The following MDGA1 variants were observed in gnomAD, a reference collection of about 807,000 sequenced individuals.
MDGA1 encodes MAM domain-containing glycosylphosphatidylinositol anchor protein 1.
In MDGA1, 54 loss-of-function variants were observed where a neutral mutation model predicts 101.5. That is an observed-to-expected ratio of 0.53 (90% CI 0.43 to 0.67). The LOEUF (loss-of-function observed/expected upper bound fraction) is 0.67, where lower values mean the gene tolerates loss of function less well. Among genes scored for constraint, MDGA1 ranks in the 30% least tolerant of loss-of-function variants. The pLI, the probability that MDGA1 is intolerant of heterozygous loss-of-function variation, is 0.00. For synonymous variants in MDGA1, 533 were observed against 558.3 expected (o/e 0.95, Z 0.64); for missense variants, 1,083 against 1,323.8 (o/e 0.82, Z 2.82).
At chr6:37,661,026 G>T (rs1761611914) in intron 2 of MDGA1, among the ~76,000 whole-genome samples, 1 of 152,146 alleles carries the variant, frequency 6.6e-6, no homozygotes, top group Non-Finnish European at 1.5e-5. Flanking sequence ...CTATCTCATA[G>T]GTGGCTACAT....
At chr6:37,675,211 G>A (rs978152407) in intron 1 of MDGA1, among the ~76,000 whole-genome samples, 22 of 152,312 alleles carry the variant, frequency 1.4e-4, no homozygotes, top group African/African-American at 3.8e-4. Context: ...GTGAGGGGTA[G>A]GGAGGAGTGC....
intron 14 of MDGA1, chr6:37,643,500 G>A (rs1581844864): frequency 7.1e-6 from 2 of 280,846 alleles, no homozygotes; most frequent in East Asian, 8.9e-5. Flanking sequence ...TTGAACTCCT[G>A]ACCTCAGGTG....
At chr6:37,639,935 C>A (rs1031952563) in intron 14 of MDGA1, 2 of 152,142 alleles carry the variant, frequency 1.3e-5, no homozygotes, top group Non-Finnish European at 2.9e-5. Context: ...ATAAGAGTTA[C>A]GGAAAATTCT....
In MDGA1 at chr6:37,650,414, G is replaced by A; in HGVS notation, c.1313-9C>T. 1 of 1,527,512 alleles carries A rather than the reference G, an allele frequency of 6.5e-7. No individual in the cohort carries two copies. The highest frequency in any genetic ancestry group is 2.4e-4 in the Middle Eastern group (1 of 4,196). The allele number at this position is 1,527,512 out of a possible 1,614,324, so 94.6% of individuals were successfully genotyped here. On this transcript the variant is annotated splice_polypyrimidine_tract_variant and intron_variant, in intron 7 of 16. Transcript: ENST00000434837. The stretch of plus-strand genomic sequence containing the variant: ...ACTGATGGTGGGCGGCACTGTGGGG[G>A]TGATGGTGATCAGCGGAGAGGTAGG...
intron 3 of MDGA1, among the ~76,000 whole-genome samples, chr6:37,657,786 C>T (rs10755699): frequency 0.82 from 124,238 of 152,056 alleles, 51,563 homozygotes; most frequent in East Asian, 1. Context: ...CAGCTAGGAC[C>T]TGGGGAGTGG....
rs751613262 is a variant in MDGA1, at chr6:37,655,933, T to C, written c.383-37A>G. On this transcript the variant is annotated intron_variant, in intron 3 of 16. Transcript: ENST00000434837. This position sits in a 1 kb window ranked among gnomAD's most constrained non-coding sequence, Gnocchi z 5.1. ...CAGCCCCCATGGAGTCAGGACTGGG[T>C]GACCCCAAGGTTGGGGGGCTCAGGC... The C allele has an allele frequency of 3.8e-6, 6 of 1,572,024 alleles. No homozygotes were observed. The highest frequency in any genetic ancestry group is 5.2e-6 in the Non-Finnish European group (6 of 1,157,628).
chr6:37,649,830 C>T (rs1761314062), intron 8 of MDGA1: 1 of 652,686 alleles, frequency 1.5e-6, no homozygotes, highest in Non-Finnish European at 2.8e-6. Flanking sequence ...TGTCCTTCCT[C>T]CTCCTTCAAA....
chr6:37,678,894 A>G (rs1762037023), intron 1 of MDGA1, among the ~76,000 whole-genome samples: 2 of 150,658 alleles, frequency 1.3e-5, no homozygotes, highest in African/African-American at 4.9e-5. Flanking sequence ...TCACTTGTTT[A>G]TTCTCTTTCT....
intron 14 of MDGA1, among the ~76,000 whole-genome samples, chr6:37,642,147 G>GTGTA (rs1554132385): frequency 3.0e-5 from 4 of 135,394 alleles, no homozygotes; most frequent in Admixed American, 7.8e-5. Flanking sequence ...TTATATATAT[G>GTGTA]TATATATATA....
rs1764183485 is a variant in MDGA1, at chr6:37,644,664, G to A, written c.2249-15C>T. On this transcript the variant is annotated splice_polypyrimidine_tract_variant and intron_variant, in intron 12 of 16. Transcript: ENST00000434837. The stretch of plus-strand genomic sequence containing the variant: ...GCAGGTGTTGTCTGCATTTTATGGG[G>A]CGAATGAGACAAAGAGTCAGCCTCT... 1 of 1,551,472 alleles carries A rather than the reference G, an allele frequency of 6.4e-7. No individual in the cohort carries two copies. Among genetic ancestry groups the A allele is most frequent in the East Asian group, 2.4e-5 (1 of 41,072 alleles).
chr6:37,672,080 G>T (rs1761881544), intron 1 of MDGA1, among the ~76,000 whole-genome samples: 1 of 151,910 alleles, frequency 6.6e-6, no homozygotes, highest in African/African-American at 2.4e-5. Context: ...GGTGGAGACT[G>T]CAGTGAGCTG....
In MDGA1 at chr6:37,658,242, C is replaced by T; in HGVS notation, c.382+3G>A. The T allele has an allele frequency of 6.3e-7, 1 of 1,583,232 alleles. No individual in the cohort carries two copies. Among genetic ancestry groups the T allele is most frequent in the Non-Finnish European group, 8.6e-7 (1 of 1,163,510 alleles). The stretch of plus-strand genomic sequence containing the variant: ...CCCGGGGAGAGAGGGGGCCTCAACT[C>T]ACACTGCACGTCCACGCGGATGGAC... On this transcript the variant is annotated splice_donor_region_variant and intron_variant, in intron 3 of 16. Transcript: ENST00000434837.
At chr6:37,659,843 T>A (rs1019289457) in intron 2 of MDGA1, among the ~76,000 whole-genome samples, 13 of 152,116 alleles carry the variant, frequency 8.5e-5, no homozygotes, top group African/African-American at 2.9e-4. Context: ...ACATACCAGA[T>A]CAGAGAGTTC....
At chr6:37,654,155 A>G in intron 6 of MDGA1, 119 bp downstream of exon 6, 4 of 1,187,776 alleles carry the variant, frequency 3.4e-6, no homozygotes, top group South Asian at 1.7e-5. Flanking sequence ...CATCCTCTGC[A>G]TGACTCATCT....
rs753804706 is a variant in MDGA1 at position 37,654,895 on chromosome 6, G to A, written c.617C>T (p.Pro206Leu). 1.2e-6 allele frequency: 2 copies of A among 1,613,582 alleles called. No individual in the cohort carries two copies. The highest frequency in any genetic ancestry group is 3.3e-5 in the Admixed American group (2 of 59,982). ...GCAGGTGTAGCTGGCATAGTCCTGG[G>A]GCCGCAGGTTCTTCAGCTTCAGGAC... ...TKVLKLKNLR[P>L]QDYASYTCQV... is the part of the protein sequence containing the mutation. Residue 206 changes from proline to leucine, a missense_variant, in exon 5 of 17, where the codon CCC becomes CTC. Physicochemically the swap from Pro to Leu is moderately conservative, Grantham distance 98. This residue lies in a region of MDGA1 where 310 missense variants were observed against 355.9 expected (regional missense o/e 0.87). Transcript: ENST00000434837.
chr6:37,691,440 G>A (rs1762306111), intron 1 of MDGA1, among the ~76,000 whole-genome samples: 2 of 151,980 alleles, frequency 1.3e-5, no homozygotes, highest in South Asian at 4.2e-4. Flanking sequence ...CACTTATAAG[G>A]GATTGTTGTT....
At position 37,646,325 on chromosome 6, in the gene MDGA1, C is replaced by A; in HGVS notation, c.2097G>T (p.Glu699Asp). The A allele has an allele frequency of 6.3e-7, 1 of 1,587,478 alleles. No individual in the cohort carries two copies. Residue 699 changes from glutamate (E) to aspartate (D), a missense_variant, in exon 11 of 17, where the codon GAG (glutamate) becomes GAT (aspartate). Around this residue, in one of 3 missense-constraint regions of MDGA1, gnomAD observed 657 missense variants for 771.4 expected, o/e 0.85. Transcript: ENST00000434837. ...GGATGTACTCCAGCAGCTGCCCCTT[C>A]TCCACACGCCGGACCGGGATGGCCT... Reference protein sequence around the residue: ...VVKAIPVRRVEKGQLLEYILT... With the variant: ...VVKAIPVRRVDKGQLLEYILT...
At chr6:37,657,310 G>A (rs6930085) in intron 3 of MDGA1, among the ~76,000 whole-genome samples, 33,684 of 152,114 alleles carry the variant, frequency 0.22, 3,871 homozygotes, top group Middle Eastern at 0.32. Context: ...CACAGGCATT[G>A]ACAGTACACA....
chr6:37,647,051 T>C, intron 10 of MDGA1, 122 bp downstream of exon 10: 3 of 877,152 alleles, frequency 3.4e-6, no homozygotes, highest in Non-Finnish European at 5.2e-6. Context: ...AAGAATTGCC[T>C]CTAAAAGGGT....
Sources: allele counts gnomAD v4.1 joint callset (sites outside exome capture counted in the v4.1 genomes callset), GRCh38; gene constraint gnomAD v4.1.1; regional missense constraint gnomAD v4.1.1; non-coding constraint Gnocchi (gnomAD v3.1); transcripts MANE v1.5; gene names NCBI Gene and HGNC (gene_info 2026-07-23, HGNC 2026-07-21).